NLRP5: variants seen among roughly 807,000 people sequenced by gnomAD.
NLRP5 encodes the protein NACHT, LRR and PYD domains-containing protein 5.
A neutral mutation model predicts 113.1 loss-of-function variants in NLRP5; 93 were observed. The observed-to-expected ratio is 0.82, with a 90% CI of 0.70 to 0.98. The LOEUF is 0.98. Among genes scored for constraint, NLRP5 ranks in the 50% least tolerant of loss-of-function variants. The pLI is 0.00. For synonymous variants in NLRP5, 751 were observed against 600.7 expected, an observed-to-expected ratio of 1.25 and a Z score of -3.66; for missense variants, 1,808 against 1,514.3, an observed-to-expected ratio of 1.19 and a Z score of -3.22.
At chr19:56,056,022 CA>C (rs1181916214) in intron 13 of NLRP5, among the ~76,000 whole-genome samples, 2 of 152,118 alleles carry the variant, frequency 1.3e-5, no homozygotes, top group African/African-American at 4.8e-5. Flanking sequence ...AGTCAGGGAT[CA>C]TGGATGTAAA....
At position 56,050,470 on chromosome 19, in the gene NLRP5, C is replaced by T. The variant is rs1453555691; in HGVS notation, c.3010C>T (p.Leu1004Phe). The change falls in exon 12 of 15, where the codon CTT becomes TTT. Residue 1004 changes from leucine to phenylalanine, a missense_variant. Coordinates refer to ENST00000390649, the MANE Select transcript of NLRP5 (RefSeq NM_153447.4). ...TGGCTGTGGTTTTCTTGCACTTGCG[C>T]TTATGGGTAACTCATGGCTGACGCA... The T allele has an allele frequency of 1.2e-6, 2 of 1,613,824 alleles. No individual in the cohort carries two copies. The highest frequency in any genetic ancestry group is 8.5e-7 in the Non-Finnish European group (1 of 1,179,860).
At chr19:56,030,384 C>G (rs1046316762) in intron 7 of NLRP5, among the ~76,000 whole-genome samples, 2 of 151,970 alleles carry the variant, frequency 1.3e-5, no homozygotes, top group African/African-American at 4.8e-5. Flanking sequence ...AAAAAAAATT[C>G]TCACATGGAA....
chr19:56,016,587 G>A (rs1224601614), intron 4 of NLRP5, among the ~76,000 whole-genome samples: 1 of 152,134 alleles, frequency 6.6e-6, no homozygotes, highest in Non-Finnish European at 1.5e-5. Context: ...GTTGACTAAT[G>A]TTTTCCAACT....
At chr19:56,040,892 C>G in intron 10 of NLRP5, 30 bp from the exon 11 acceptor site, 1 of 1,600,012 alleles carries the variant, frequency 6.2e-7, no homozygotes, top group Non-Finnish European at 8.5e-7. Context: ...GGCATCTCAT[C>G]ATGTCCTCTC....
chr19:55,990,239 C>CTAA, the NLRP5 span, among the ~76,000 whole-genome samples: 1 of 151,666 alleles, frequency 6.6e-6, no homozygotes, highest in African/African-American at 2.4e-5. Context: ...CAGGCACACG[C>CTAA]CACGATGCCC....
chr19:56,016,369 T>C (rs1982402762), intron 4 of NLRP5, among the ~76,000 whole-genome samples: 1 of 150,898 alleles, frequency 6.6e-6, no homozygotes, highest in African/African-American at 2.5e-5. Flanking sequence ...GTCAGGCTGG[T>C]CTGGAACTCC....
At chr19:56,047,270 TCTG>T (rs1419565817) in intron 11 of NLRP5, among the ~76,000 whole-genome samples, 2 of 152,194 alleles carry the variant, frequency 1.3e-5, no homozygotes, top group African/African-American at 2.4e-5. Context: ...TTTCCTTTCT[TCTG>T]CTGGGTTTGG....
intron 13 of NLRP5, among the ~76,000 whole-genome samples, chr19:56,056,985 C>G (rs773042484): frequency 1.8e-4 from 28 of 151,764 alleles, no homozygotes; most frequent in Non-Finnish European, 3.5e-4. Context: ...ACTAAAAATA[C>G]AAAAATTAGG....
intron 3 of NLRP5, among the ~76,000 whole-genome samples, chr19:56,012,096 C>A (rs768823676): frequency 6.6e-5 from 10 of 152,050 alleles, no homozygotes; most frequent in Non-Finnish European, 1.0e-4. Context: ...GACATAGCTC[C>A]TAATATAAAT....
intron 1 of NLRP5, chr19:55,999,860 C>A (rs1375254926): frequency 1.9e-6 from 2 of 1,067,342 alleles, no homozygotes; most frequent in African/African-American, 1.5e-5. Context: ...CGGATCGAAT[C>A]CCCTGCCCTC....
At position 56,046,219 on chromosome 19, in the gene NLRP5, T is replaced by C. The variant is rs188365843; in HGVS notation, c.2958-4199T>C. On this transcript the variant is annotated intron_variant, in intron 11 of 14. Transcript: ENST00000390649. The stretch of plus-strand genomic sequence containing the variant: ...TGCATCTATTGAAATCACGTGATTT[T>C]TATTTTTAATTCAGTTTATGTGGTG... Among the ~76,000 whole-genome samples, 69 of 152,340 alleles carry C rather than the reference T, an allele frequency of 4.5e-4. 1 individual carries two copies. The highest frequency in any genetic ancestry group is 1.5e-3 in the African/African-American group (62 of 41,584).
upstream of NLRP5, among the ~76,000 whole-genome samples, chr19:55,998,706 G>A (rs79293438): frequency 0.13 from 4,102 of 30,866 alleles, 270 homozygotes; most frequent in African/African-American, 0.23. Flanking sequence ...ATATATATGT[G>A]TGTGTGTGTA....
chr19:56,045,087 A>G (rs887161176), intron 11 of NLRP5, among the ~76,000 whole-genome samples: 3 of 152,224 alleles, frequency 2.0e-5, no homozygotes, highest in East Asian at 3.8e-4. Context: ...GAATTATTTT[A>G]TCAGTTCTAG....
At chr19:56,031,067 A>AACGTGGGAAGGTATACACTCAGAC (rs72128315) in intron 7 of NLRP5, among the ~76,000 whole-genome samples, 1 of 151,802 alleles carries the variant, frequency 6.6e-6, no homozygotes, top group Non-Finnish European at 1.5e-5. Context: ...CCTGTTCACA[A>AACGTGGGAAGGTATACACTCAGAC]ACGTGGGAAG....
Position 56,049,957 on chromosome 19 carries a change from C to T in NLRP5, c.2958-461C>T, listed in dbSNP as rs117598434. On this transcript the variant is annotated intron_variant, in intron 11 of 14. Coordinates refer to ENST00000390649, the MANE Select transcript of NLRP5 (RefSeq NM_153447.4). ...ACCAGAGTTGGTTTTCTGCCTCCTTCTCATTTGGGTAGGTTCTGTCAGAGG... is the reference window on the plus strand; with the variant it reads ...ACCAGAGTTGGTTTTCTGCCTCCTTTTCATTTGGGTAGGTTCTGTCAGAGG... Among the ~76,000 whole-genome samples the T allele has an allele frequency of 1.8e-3, 275 of 152,142 alleles. 8 individuals are homozygous for T. In the East Asian group the frequency reaches 0.051, roughly 28 times the overall value.
At chr19:55,994,997 A>G (rs1033993389), upstream of NLRP5, among the ~76,000 whole-genome samples, 2 of 152,204 alleles carry the variant, frequency 1.3e-5, no homozygotes, top group African/African-American at 2.4e-5. Flanking sequence ...TAGTGAACAC[A>G]GTGTACTTTC....
chr19:55,999,212 C>CTTTT (rs906346601), upstream of NLRP5, among the ~76,000 whole-genome samples: 855 of 111,686 alleles, frequency 7.7e-3, 32 homozygotes, highest in African/African-American at 0.027. Context: ...TTTTCTTTTT[C>CTTTT]TTTTTTTTTT....
Position 56,027,147 on chromosome 19 carries a change from A to G in NLRP5, c.914A>G (p.Gln305Arg), listed in dbSNP as rs149735408. ...AGAAGGATCGTGCTGTGCTGGGCGC[A>G]AGGTGGACTCTACCAGGGAATGTTC... is the stretch of plus-strand genomic sequence containing the variant. The change falls in exon 7 of 15, where the codon CAA (glutamine) becomes CGA (arginine). Residue 305 changes from glutamine to arginine, a missense_variant. Coordinates refer to ENST00000390649, the MANE Select transcript of NLRP5 (RefSeq NM_153447.4). The G allele has an allele frequency of 1.5e-4, 247 of 1,601,944 alleles. No homozygotes were observed. The East Asian group carries it at 3.8e-3, about 25-fold the overall frequency.
chr19:55,988,468 A>ATATATATATATATATG, the NLRP5 span: 4 of 145,808 alleles, frequency 2.7e-5, no homozygotes, highest in South Asian at 8.7e-4. Flanking sequence ...ATATATATAT[A>ATATATATATATATATG]TGCTATATAA....
Sources: gnomAD v4.1 joint callset for allele counts (sites outside exome capture counted in the v4.1 genomes callset) on GRCh38, gnomAD v4.1.1 for gene constraint, MANE v1.5 for transcripts, NCBI Gene and HGNC (gene_info 2026-07-23, HGNC 2026-07-21) for gene names.